Variants in SPG11 observed in about 807,000 individuals in gnomAD.
SPG11 encodes SPG11 vesicle trafficking associated, spatacsin.
Under a neutral mutation model 274.0 loss-of-function variants are expected in SPG11, and 222 were observed. The observed-to-expected ratio is 0.81, with a 90% CI of 0.73 to 0.91. The LOEUF (loss-of-function observed/expected upper bound fraction) is 0.91. Ranked by LOEUF, SPG11 falls within the 40% of genes least tolerant of loss-of-function variation. SPG11 has a pLI of 0.00. For synonymous variants in SPG11, 1,144 were observed against 1,039.7 expected (o/e 1.10, Z -1.93); for missense variants, 3,114 against 2,872.7 (o/e 1.08, Z -1.92).
At chr15:44,623,098 A>C (rs941583085) in intron 11 of SPG11, among the ~76,000 whole-genome samples, 3 of 152,008 alleles carry the variant, frequency 2.0e-5, no homozygotes, top group Non-Finnish European at 2.9e-5. Context: ...ACAGGTGTGC[A>C]TCACCATGCC....
intron 36 of SPG11, 132 bp downstream of exon 36, chr15:44,567,292 A>G (rs1204293823): frequency 8.7e-6 from 8 of 914,290 alleles, no homozygotes; most frequent in South Asian, 5.9e-5. Context: ...CGGAGGTTGC[A>G]GGGAGCTGAG....
In SPG11 at chr15:44,587,693, C is replaced by CAAAAAAAAAAAAAAAAAA. The variant is rs34479385; in HGVS notation, c.4906+1541_4906+1558dup. Among the ~76,000 whole-genome samples, 7 of 34,052 alleles carry CAAAAAAAAAAAAAAAAAA rather than the reference C, an allele frequency of 2.1e-4. 2 individuals carry two copies. Among genetic ancestry groups the CAAAAAAAAAAAAAAAAAA allele is most frequent in the African/African-American group, 1.2e-3 (7 of 5,636 alleles). The allele number at this position is 34,052 out of a possible 152,430, so 22.3% of individuals were successfully genotyped here. A position where few individuals can be genotyped will look rare whatever the true frequency, so the allele number is the denominator to read the frequency against. On this transcript the variant is annotated intron_variant, in intron 28 of 39. Transcript: ENST00000261866. ...CTTGGGCAACAGAGCCAGACTGTCT[C>CAAAAAAAAAAAAAAAAAA]AAAAAAAAAAAAAAAAAAAAAAAAA...
At position 44,651,642 on chromosome 15, in the gene SPG11, G is replaced by A; in HGVS notation, c.1305C>T (p.Phe435=). 6.2e-7 allele frequency: 1 copy of A among 1,614,204 alleles called. No individual in the cohort carries two copies. ...CCACTTCCCAAGTAAACAGTGCAGT[G>A]AATCCTGTCACAGACACACATTTAA... ...IELKCVSVTG[F]TALFTWEVER... The change falls in exon 6 of 40, where the codon TTC becomes TTT. Residue 435 remains phenylalanine (F), a synonymous_variant. Coordinates refer to ENST00000261866, the MANE Select transcript of SPG11 (RefSeq NM_025137.4).
chr15:44,615,487 G>A lies in SPG11; in HGVS notation c.2914C>T (p.Gln972Ter), dbSNP rs780692790. The change falls in exon 16 of 40, where the codon CAG becomes TAG. Residue 972 changes from glutamine (Q) to a stop codon, truncating the protein, a stop_gained. Coordinates refer to ENST00000261866, the MANE Select transcript of SPG11 (RefSeq NM_025137.4). LOFTEE classifies it high-confidence loss of function. ...LRLSRIGGVI[Q>*]DTLPVQNYKT... is the part of the protein sequence containing the mutation. ...TAGTTTTGAACAGGGAGGGTATCCT[G>A]TATTACACCTCCAATACGGCTCAGT... 3.7e-6 allele frequency: 6 copies of A among 1,613,928 alleles called. No homozygotes were observed. In the African/African-American group the frequency reaches 8.0e-5, roughly 22 times the overall value.
At chr15:44,662,647 CT>C (rs1451596471) in intron 1 of SPG11, among the ~76,000 whole-genome samples, 1 of 109,882 alleles carries the variant, frequency 9.1e-6, no homozygotes, top group Admixed American at 1.0e-4. Flanking sequence ...GCGACCTTAT[CT>C]TTAAAAAAAA....
chr15:44,602,971 A>G (rs898817301), intron 20 of SPG11, among the ~76,000 whole-genome samples: 9 of 152,096 alleles, frequency 5.9e-5, no homozygotes, highest in Admixed American at 3.9e-4. Flanking sequence ...AAAGGTCATT[A>G]TGCAATAAAA....
intron 4 of SPG11, among the ~76,000 whole-genome samples, chr15:44,652,841 G>T (rs1186623098): frequency 6.6e-6 from 1 of 152,016 alleles, no homozygotes; most frequent in Non-Finnish European, 1.5e-5. Flanking sequence ...TTTTAGTAGA[G>T]ACAGGGTTTT....
At chr15:44,602,965 G>T (rs2083233605) in intron 20 of SPG11, among the ~76,000 whole-genome samples, 1 of 151,910 alleles carries the variant, frequency 6.6e-6, no homozygotes, top group African/African-American at 2.4e-5. Flanking sequence ...TTCACAAAAG[G>T]TCATTATGCA....
chr15:44,566,331 C>T, intron 36 of SPG11, 26 bp from the exon 37 acceptor site: 2 of 1,603,524 alleles, frequency 1.2e-6, no homozygotes, highest in Admixed American at 1.7e-5. Flanking sequence ...AGAAGATTTG[C>T]CGAGTCTGAC....
rs77110494 is a variant in SPG11 at position 44,658,115 on chromosome 15, C to T, written c.668-819G>A. On this transcript the variant is annotated intron_variant, in intron 3 of 39. Transcript: ENST00000261866. ...TTCATATGCTTAATAGCCACATACG[C>T]TTAGTGCCTACTGTTCTGGACAGTG... 6.0e-3 allele frequency among the ~76,000 whole-genome samples: 920 copies of T among 152,366 alleles called. 27 individuals carry two copies. In the East Asian group the frequency reaches 0.088, roughly 15 times the overall value.
intron 30 of SPG11, among the ~76,000 whole-genome samples, chr15:44,576,866 G>A (rs1349059270): frequency 2.6e-5 from 4 of 151,756 alleles, no homozygotes; most frequent in Non-Finnish European, 5.9e-5. Context: ...TCACTCTGTC[G>A]CCCAGGCTAG....
chr15:44,632,158 C>T (rs117240748), intron 8 of SPG11, among the ~76,000 whole-genome samples: 2,011 of 152,142 alleles, frequency 0.013, 23 homozygotes, highest in Non-Finnish European at 0.021. Context: ...GTCATTATCA[C>T]GCTGATTGAA....
chr15:44,595,136 A>G (rs2083001720), intron 26 of SPG11, 123 bp downstream of exon 26: 2 of 964,584 alleles, frequency 2.1e-6, no homozygotes, highest in Non-Finnish European at 3.2e-6. Flanking sequence ...TACTTCTAAT[A>G]TTATCATCAT....
intron 7 of SPG11, among the ~76,000 whole-genome samples, chr15:44,648,020 A>T (rs568188799): frequency 4.3e-4 from 65 of 152,208 alleles, no homozygotes; most frequent in Non-Finnish European, 8.5e-4. Context: ...TCCTGTCTTT[A>T]TTAACATGGC....
Position 44,620,170 on chromosome 15 carries a change from T to C in SPG11, c.2834+20A>G, listed in dbSNP as rs368325394. The C allele has an allele frequency of 5.0e-5, 78 of 1,570,528 alleles. No homozygotes were observed. Among genetic ancestry groups the C allele is most frequent in the Non-Finnish European group, 6.2e-5 (71 of 1,140,674 alleles). On this transcript the variant is annotated intron_variant, in intron 15 of 39. Coordinates refer to ENST00000261866, the MANE Select transcript of SPG11 (RefSeq NM_025137.4). Reference sequence around the variant, plus strand: ...CCCTTGTATTCTTCCCATTGGGTATTAGTTCAACAGTTATAATACCTGGCC... The same window carrying C: ...CCCTTGTATTCTTCCCATTGGGTATCAGTTCAACAGTTATAATACCTGGCC...
In SPG11 at chr15:44,584,218, C is replaced by A; in HGVS notation, c.5462G>T (p.Arg1821Ile). ...LGRNQEETEP[R>I]FSRQISTSGE... ...ACTAGTTGAGATCTGTCGAGAAAAT[C>A]TGGGCTCTGTTTCCTCCTGATTTCT... The change falls in exon 30 of 40, where the codon AGA (arginine) becomes ATA (isoleucine). Residue 1821 changes from arginine (R) to isoleucine (I), a missense_variant. By Grantham distance (97) the Arg-to-Ile change is moderately conservative (BLOSUM62 -3). Coordinates refer to ENST00000261866, the MANE Select transcript of SPG11 (RefSeq NM_025137.4). The A allele has an allele frequency of 6.2e-7, 1 of 1,614,208 alleles. No individual in the cohort carries two copies.
At chr15:44,616,793 A>G (rs2083602161) in intron 15 of SPG11, among the ~76,000 whole-genome samples, 1 of 152,244 alleles carries the variant, frequency 6.6e-6, no homozygotes, top group Admixed American at 6.5e-5. Flanking sequence ...CATAGATGCA[A>G]ACTCCCTTAA....
intron 28 of SPG11, among the ~76,000 whole-genome samples, chr15:44,586,051 C>T (rs1021894828): frequency 8.1e-6 from 1 of 122,850 alleles, no homozygotes; most frequent in Non-Finnish European, 1.6e-5. Context: ...GTGGTGTGAT[C>T]TCCGCTCGCT....
intron 17 of SPG11, among the ~76,000 whole-genome samples, chr15:44,611,591 T>G (rs973161989): frequency 2.0e-5 from 3 of 152,164 alleles, no homozygotes; most frequent in Admixed American, 6.6e-5. Flanking sequence ...TAAACATGTG[T>G]AACCTTTGAC....
Sources: allele counts gnomAD v4.1 joint callset (sites outside exome capture counted in the v4.1 genomes callset), GRCh38; gene constraint gnomAD v4.1.1; transcripts MANE v1.5; gene names NCBI Gene and HGNC (gene_info 2026-07-23, HGNC 2026-07-21).